The following ASPM variants were observed in gnomAD, a reference collection of about 807,000 sequenced individuals.
The protein encoded by ASPM is assembly factor for spindle microtubules.
A neutral mutation model predicts 366.4 loss-of-function variants in ASPM; 256 were observed. That is an observed-to-expected ratio of 0.70 (90% CI 0.63 to 0.77). The LOEUF (loss-of-function observed/expected upper bound fraction) is 0.77. Ranked by LOEUF, ASPM falls within the 30% of genes least tolerant of loss-of-function variation. The probability of loss-of-function intolerance (pLI) is 0.00; values close to 1 mark genes in which losing one functional copy is unlikely to be tolerated. For synonymous variants in ASPM, 1,414 were observed against 1,342.9 expected (o/e 1.05, Z -1.16); for missense variants, 4,146 against 4,090.4 (o/e 1.01, Z -0.37).
rs1182120094 is a variant in ASPM at position 197,142,603 on chromosome 1, G to C, written c.1649C>G (p.Pro550Arg). 6.2e-7 allele frequency: 1 copy of C among 1,612,630 alleles called. No individual in the cohort carries two copies. The highest frequency in any genetic ancestry group is 1.3e-5 in the African/African-American group (1 of 74,836). ...ATAACTCTTAGATTTACTTAATATT[G>C]GATCTATAATTGGAAGATAAGAATG... ...DFHSYLPIID[P>R]ILSKSKSYKN... The change falls in exon 3 of 28, where the codon CCA (proline) becomes CGA (arginine). Residue 550 changes from proline (P) to arginine (R), a missense_variant. Physicochemically the swap from Pro to Arg is moderately radical, Grantham distance 103 (BLOSUM62 -2). This residue lies in a region of ASPM where 3,624 missense variants were observed against 3,591.7 expected (regional missense o/e 1.01). Coordinates refer to ENST00000367409, the MANE Select transcript of ASPM (RefSeq NM_018136.5).
intron 18 of ASPM, among the ~76,000 whole-genome samples, chr1:197,097,759 T>C (rs1348553554): frequency 6.6e-6 from 1 of 151,738 alleles, no homozygotes; most frequent in Non-Finnish European, 1.5e-5. Context: ...GACTGGTTAA[T>C]GGTAACACTG....
At chr1:197,108,971 C>CA (rs564818123) in intron 17 of ASPM, among the ~76,000 whole-genome samples, 2,777 of 69,108 alleles carry the variant, frequency 0.04, 93 homozygotes, top group African/African-American at 0.11. Context: ...ACCCTGTCTC[C>CA]AAAAAAAAAA....
At chr1:197,112,832 T>G (rs767575367) in intron 17 of ASPM, among the ~76,000 whole-genome samples, 41 of 152,136 alleles carry the variant, frequency 2.7e-4, no homozygotes, top group Non-Finnish European at 4.4e-4. Flanking sequence ...CCGACTGCCT[T>G]GGGCACATGT....
chr1:197,119,994 C>T (rs1047208773), intron 16 of ASPM, among the ~76,000 whole-genome samples: 36 of 151,492 alleles, frequency 2.4e-4, no homozygotes, highest in Admixed American at 4.6e-4. Flanking sequence ...AAATAGAAAA[C>T]GGAAAGATAT....
At chr1:197,134,402 AC>A (rs1365724151) in intron 5 of ASPM, among the ~76,000 whole-genome samples, 5 of 139,480 alleles carry the variant, frequency 3.6e-5, no homozygotes, top group African/African-American at 1.1e-4. Context: ...AGGGAGTGAG[AC>A]CTTGTCTCCA....
At chr1:197,114,527 T>A (rs570743259) in intron 17 of ASPM, among the ~76,000 whole-genome samples, 50 of 152,250 alleles carry the variant, frequency 3.3e-4, no homozygotes, top group Non-Finnish European at 6.0e-4. Flanking sequence ...CAAAGCCCGC[T>A]GCTGCTTTGT....
intron 7 of ASPM, 49 bp downstream of exon 7, chr1:197,132,236 A>C (rs965710763): frequency 2.2e-6 from 3 of 1,390,518 alleles, no homozygotes; most frequent in Non-Finnish European, 3.0e-6. Context: ...TTCTACAAAA[A>C]GTATATAATA....
intron 10 of ASPM, among the ~76,000 whole-genome samples, chr1:197,128,285 A>T (rs933620628): frequency 6.6e-6 from 1 of 152,088 alleles, no homozygotes; most frequent in Non-Finnish European, 1.5e-5. Context: ...GCCATCAGGA[A>T]AAAAGGTGTG....
At chr1:197,087,395 T>A (rs950655469) in intron 26 of ASPM, among the ~76,000 whole-genome samples, 60 of 151,992 alleles carry the variant, frequency 3.9e-4, no homozygotes, top group African/African-American at 1.4e-3. Flanking sequence ...CTTTTAAGCT[T>A]TGAATAATCA....
chr1:197,124,480 T>C (rs1658022085), intron 12 of ASPM, 149 bp from the exon 13 acceptor site: 1 of 684,926 alleles, frequency 1.5e-6, no homozygotes, highest in Non-Finnish European at 2.4e-6. Context: ...ATAAAGTGCC[T>C]GAAATGGATA....
chr1:197,141,212 C>T (rs1295048113), intron 3 of ASPM, among the ~76,000 whole-genome samples: 2 of 151,890 alleles, frequency 1.3e-5, no homozygotes, highest in African/African-American at 4.8e-5. Context: ...AATAATATTT[C>T]ATAAAACACA....
Position 197,104,621 on chromosome 1 carries a change from A to G in ASPM, c.4630T>C (p.Leu1544=), listed in dbSNP as rs1274664037. The part of the protein sequence containing the change: ...YLQKRAAAIQ[L]QAAFRRLKAH... ...TTCAGTCTCCTAAAAGCAGCTTGTA[A>G]TTGAATGGCTGCAGCTCGTTTCTGC... is the stretch of plus-strand genomic sequence containing the variant. The change falls in exon 18 of 28, where the codon TTA becomes CTA. Residue 1544 remains leucine, a synonymous_variant. Transcript: ENST00000367409. The G allele has an allele frequency of 1.2e-6, 2 of 1,613,040 alleles. No individual in the cohort carries two copies. The highest frequency in any genetic ancestry group is 8.5e-7 in the Non-Finnish European group (1 of 1,179,418).
At position 197,142,913 on chromosome 1, in the gene ASPM, G is replaced by A. The variant is rs1434991648; in HGVS notation, c.1339C>T (p.Pro447Ser). 1 of 1,613,714 alleles carries A rather than the reference G, an allele frequency of 6.2e-7. No homozygotes were observed. Among genetic ancestry groups the A allele is most frequent in the Non-Finnish European group, 8.5e-7 (1 of 1,179,758 alleles). Residue 447 changes from proline (P) to serine (S), a missense_variant, in exon 3 of 28, where the codon CCC becomes TCC. Transcript: ENST00000367409. ...RIPECQGSKS[P>S]KAIFEELVEM... ...ACTAGTTCTTCAAAAATAGCTTTGG[G>A]AGATTTTGAACCCTGACATTCAGGA...
Position 197,115,865 on chromosome 1 carries a change from C to G in ASPM, c.4065+1924G>C, listed in dbSNP as rs553938511. On this transcript the variant is annotated intron_variant, in intron 17 of 27. Coordinates refer to ENST00000367409, the MANE Select transcript of ASPM (RefSeq NM_018136.5). ...TATATTTAGCATAATTCTTAAGGGT[C>G]CTAGGATTTTCAGAAGGATAAATAA... Among the ~76,000 whole-genome samples, 5 of 152,248 alleles carry G rather than the reference C, an allele frequency of 3.3e-5. No individual in the cohort carries two copies. In the South Asian group the frequency reaches 1.0e-3, roughly 32 times the overall value.
chr1:197,113,596 G>A (rs1657653894), intron 17 of ASPM, among the ~76,000 whole-genome samples: 1 of 151,806 alleles, frequency 6.6e-6, no homozygotes, highest in Non-Finnish European at 1.5e-5. Flanking sequence ...AAGGCCTTAA[G>A]ATAAAGAAGA....
intron 17 of ASPM, among the ~76,000 whole-genome samples, chr1:197,114,149 C>T (rs574491818): frequency 3.9e-5 from 6 of 152,152 alleles, no homozygotes; most frequent in South Asian, 4.2e-4. Context: ...CAATACATAC[C>T]GAAGTTATCT....
At position 197,102,702 on chromosome 1, in the gene ASPM, T is replaced by TC. The variant is rs1557946448; in HGVS notation, c.6548dup (p.Arg2184ThrfsTer4). ...CAGTCTGCATCTTTCTAAGAGTCCG[T>TC]CTAACTCTTACTCCTCTAAAACTTG... On this transcript the variant is annotated frameshift_variant, in exon 18 of 28. Transcript: ENST00000367409. LOFTEE classifies it high-confidence loss of function. 3.1e-6 allele frequency: 5 copies of TC among 1,612,574 alleles called. No homozygotes were observed. Among genetic ancestry groups the TC allele is most frequent in the Non-Finnish European group, 4.2e-6 (5 of 1,179,238 alleles).
At chr1:197,128,336 C>A (rs1449018240) in intron 10 of ASPM, among the ~76,000 whole-genome samples, 154 bp downstream of exon 10, 3 of 99,508 alleles carry the variant, frequency 3.0e-5, no homozygotes, top group East Asian at 3.5e-4. Context: ...TGATGTACCA[C>A]TTCCCTGAAA....
intron 3 of ASPM, among the ~76,000 whole-genome samples, chr1:197,140,993 AAATAACCTATTGGAAT>A (rs1658561117): frequency 6.6e-6 from 1 of 152,178 alleles, no homozygotes; most frequent in Non-Finnish European, 1.5e-5. Flanking sequence ...TTGCAGTAGC[AAATAACCTATTGGAAT>A]AGCAGTTCAC....
Sources: allele counts gnomAD v4.1 joint callset (sites outside exome capture counted in the v4.1 genomes callset), GRCh38; gene constraint gnomAD v4.1.1; regional missense constraint gnomAD v4.1.1; transcripts MANE v1.5; gene names NCBI Gene and HGNC (gene_info 2026-07-23, HGNC 2026-07-21).